COL11A2: variants seen among roughly 807,000 people sequenced by gnomAD.
The protein encoded by COL11A2 is collagen alpha-2(XI) chain.
COL11A2 carries 116 observed loss-of-function variants against 273.4 expected under a neutral mutation model. The ratio of observed to expected loss-of-function variants is 0.42; its 90% CI spans 0.36 to 0.49. The LOEUF is 0.49. Ranked by LOEUF, COL11A2 falls within the 20% of genes least tolerant of loss-of-function variation. The pLI, the probability that COL11A2 is intolerant of heterozygous loss-of-function variation, is 0.00. For missense variants in COL11A2, 1,866 were observed against 2,309.0 expected (o/e 0.81, Z 3.93); for synonymous variants, 782 against 864.2 (o/e 0.90, Z 1.67).
rs760948221 is a variant in COL11A2, at chr6:33,179,219, G to A, written c.1557+12C>T. Reference sequence around the variant, plus strand: ...GAACAGATATGGGGGTGCAGTGGAGGAAAGTGGTCACCTGAGGTCCTAAGT... The same window carrying A: ...GAACAGATATGGGGGTGCAGTGGAGAAAAGTGGTCACCTGAGGTCCTAAGT... On this transcript the variant is annotated intron_variant, in intron 15 of 65. Transcript: ENST00000341947. This position sits in a 1 kb window ranked among gnomAD's most constrained non-coding sequence, Gnocchi z 6.4. 1.9e-6 allele frequency: 3 copies of A among 1,612,032 alleles called. No homozygotes were observed. Among genetic ancestry groups the A allele is most frequent in the African/African-American group, 2.7e-5 (2 of 74,812 alleles).
At chr6:33,184,783 G>A (rs1772157928) in intron 7 of COL11A2, among the ~76,000 whole-genome samples, 1 of 152,216 alleles carries the variant, frequency 6.6e-6, no homozygotes, top group East Asian at 1.9e-4. Context: ...ATGGAAGGAG[G>A]CCTGGATACT....
In COL11A2 at chr6:33,188,351, G is replaced by A. The variant is rs368302768; in HGVS notation, c.606+11C>T. ...CCAGAAGTCAATCCTGCCTCTGATTGCTCTGGTTACCTCAAAGACTTCTTC... is the reference window on the plus strand; with the variant it reads ...CCAGAAGTCAATCCTGCCTCTGATTACTCTGGTTACCTCAAAGACTTCTTC... On this transcript the variant is annotated intron_variant, in intron 4 of 65. Coordinates refer to ENST00000341947, the MANE Select transcript of COL11A2 (RefSeq NM_080680.3). 4.3e-5 allele frequency: 69 copies of A among 1,613,034 alleles called. No homozygotes were observed. The Middle Eastern group carries it at 6.6e-4, about 15-fold the overall frequency.
In COL11A2 at chr6:33,165,621, G is replaced by T; in HGVS notation, c.4678C>A (p.Pro1560Thr). 6.2e-7 allele frequency: 1 copy of T among 1,613,268 alleles called. No homozygotes were observed. The highest frequency in any genetic ancestry group is 8.5e-7 in the Non-Finnish European group (1 of 1,180,006). The change falls in exon 63 of 66, where the codon CCA becomes ACA. Residue 1560 changes from proline (P) to threonine (T), a missense_variant. Coordinates refer to ENST00000341947, the MANE Select transcript of COL11A2 (RefSeq NM_080680.3). This position sits in a 1 kb window ranked among gnomAD's most constrained non-coding sequence, Gnocchi z 7.7. ...LREEIEQMRR[P>T]TGTQDSPART... ...GCAGGGCTGTCCTGGGTCCCTGTTG[G>T]CCGCCTCATCTGCTCGATCTCCTCC...
chr6:33,179,043 A>G lies in COL11A2; in HGVS notation c.1611+30T>C. On this transcript the variant is annotated intron_variant, in intron 16 of 65. Transcript: ENST00000341947. The surrounding 1 kb of genome is among the most constrained non-coding windows in gnomAD (Gnocchi z 6.4). ...CCTACCCTGCAGGCCCTGTCTCCCC[A>G]CAACACCCATCCACCCCTGGGGCAC... is the stretch of plus-strand genomic sequence containing the variant. 1 of 1,613,936 alleles carries G rather than the reference A, an allele frequency of 6.2e-7. No individual in the cohort carries two copies. Among genetic ancestry groups the G allele is most frequent in the Non-Finnish European group, 8.5e-7 (1 of 1,179,924 alleles).
In COL11A2 at chr6:33,171,764, C is replaced by T; in HGVS notation, c.3099G>A (p.Gly1033=). ...CAGGGGGACCCTGCGGGCCTGGGCG[C>T]CCTGGCGGACCAATGGGTCCCCCTG... ...AGSGGPIGPP[G]RPGPQGPPGA... The change falls in exon 42 of 66, where the codon GGG becomes GGA. Residue 1033 remains glycine (G), a synonymous_variant. Coordinates refer to ENST00000341947, the MANE Select transcript of COL11A2 (RefSeq NM_080680.3). 1 of 1,612,906 alleles carries T rather than the reference C, an allele frequency of 6.2e-7. No individual in the cohort carries two copies. The highest frequency in any genetic ancestry group is 8.5e-7 in the Non-Finnish European group (1 of 1,179,966).
chr6:33,173,449 A>T lies in COL11A2; in HGVS notation c.2683-48T>A, dbSNP rs1471699151. 6.2e-7 allele frequency: 1 copy of T among 1,611,684 alleles called. No homozygotes were observed. The highest frequency in any genetic ancestry group is 1.3e-5 in the African/African-American group (1 of 74,790). ...GTGAACTCTCAGCTGGAAAGCAGGT[A>T]GGGAAGAAGGACTCAGAGAAGCGAG... On this transcript the variant is annotated intron_variant, in intron 36 of 65. Coordinates refer to ENST00000341947, the MANE Select transcript of COL11A2 (RefSeq NM_080680.3). The surrounding 1 kb of genome is among the most constrained non-coding windows in gnomAD (Gnocchi z 6.3).
In COL11A2 at chr6:33,185,739, A is replaced by G. The variant is rs1409630026; in HGVS notation, c.838T>C (p.Tyr280His). 1 of 1,360,700 alleles carries G rather than the reference A, an allele frequency of 7.3e-7. No individual in the cohort carries two copies. The highest frequency in any genetic ancestry group is 9.8e-7 in the Non-Finnish European group (1 of 1,018,430). The allele number at this position is 1,360,700 out of a possible 1,614,324, so 84.3% of individuals were successfully genotyped here. The change falls in exon 6 of 66, where the codon TAT becomes CAT. Residue 280 changes from tyrosine (Y) to histidine (H), a missense_variant. By Grantham distance (83) the Tyr-to-His change is moderately conservative. Transcript: ENST00000341947. ...SLYYDYEPPY[Y>H]DVMTTGTTPD... ...GTTGTCCCCGTAGTCATCACATCATAATAGGGGGGCTCGTAGTCATAGTAG... is the reference window on the plus strand; with the variant it reads ...GTTGTCCCCGTAGTCATCACATCATGATAGGGGGGCTCGTAGTCATAGTAG...
Position 33,170,363 on chromosome 6 carries a change from G to T in COL11A2, c.3545C>A (p.Pro1182Gln), listed in dbSNP as rs1411737210. ...DVGPMGPPGPPGPRGPAGPNG... is the reference protein window; with the variant it reads ...DVGPMGPPGPQGPRGPAGPNG... The stretch of plus-strand genomic sequence containing the variant: ...GGGTCCAGCTGGACCTCGAGGTCCT[G>T]GGGGGCCAGGTGGTCCCTGGGGGAA... Residue 1182 changes from proline to glutamine, a missense_variant, in exon 48 of 66, where the codon CCA (proline) becomes CAA (glutamine). By Grantham distance (76) the Pro-to-Gln change is moderately conservative (BLOSUM62 -1). Transcript: ENST00000341947. This position sits in a 1 kb window ranked among gnomAD's most constrained non-coding sequence, Gnocchi z 4.3. 9.9e-6 allele frequency: 16 copies of T among 1,613,672 alleles called. No homozygotes were observed. Among genetic ancestry groups the T allele is most frequent in the African/African-American group, 2.7e-5 (2 of 74,886 alleles).
rs2150576432 is a variant in COL11A2 at position 33,178,444 on chromosome 6, A to G, written c.1764T>C (p.Asp588=). 1.9e-6 allele frequency: 3 copies of G among 1,612,738 alleles called. No homozygotes were observed. The highest frequency in any genetic ancestry group is 1.1e-5 in the South Asian group (1 of 91,064). Reference sequence around the variant, plus strand: ...TTGCCACTACACTTACCCTCTCTCCATCCTCACCAGGGGGACCAGGAAGGC... The same window carrying G: ...TTGCCACTACACTTACCCTCTCTCCGTCCTCACCAGGGGGACCAGGAAGGC... ...AQGLPGPPGE[D]GERGDDGEIG... Residue 588 remains aspartate (D), a synonymous_variant, in exon 19 of 66, where the codon GAT becomes GAC. Coordinates refer to ENST00000341947, the MANE Select transcript of COL11A2 (RefSeq NM_080680.3). This position sits in a 1 kb window ranked among gnomAD's most constrained non-coding sequence, Gnocchi z 4.6.
rs777979891 is a variant in COL11A2, at chr6:33,167,928, G to A, written c.3961-76C>T. On this transcript the variant is annotated intron_variant, in intron 54 of 65. Coordinates refer to ENST00000341947, the MANE Select transcript of COL11A2 (RefSeq NM_080680.3). The surrounding 1 kb of genome is among the most constrained non-coding windows in gnomAD (Gnocchi z 6.1). ...TCAACTCTTCCCCCTTCCTGTCCTAGACACACACATACACATGCACACACA... is the reference window on the plus strand; with the variant it reads ...TCAACTCTTCCCCCTTCCTGTCCTAAACACACACATACACATGCACACACA... 6 of 1,518,320 alleles carry A rather than the reference G, an allele frequency of 4.0e-6. No homozygotes were observed. The highest frequency in any genetic ancestry group is 5.4e-6 in the Non-Finnish European group (6 of 1,101,056). 94.1% of individuals were successfully genotyped at this position (1,518,320 alleles called of 1,614,324 possible).
Position 33,169,503 on chromosome 6 carries a change from C to CG in COL11A2, c.3691-14dup. On this transcript the variant is annotated splice_polypyrimidine_tract_variant and intron_variant, in intron 50 of 65. Coordinates refer to ENST00000341947, the MANE Select transcript of COL11A2 (RefSeq NM_080680.3). The surrounding 1 kb of genome is among the most constrained non-coding windows in gnomAD (Gnocchi z 5.5). ...CCCCGCGTGGACCCTGCAGAACAAG[C>CG]GGAGGACACAGATGGCCCAGGGAAT... 6.2e-7 allele frequency: 1 copy of CG among 1,611,536 alleles called. No individual in the cohort carries two copies. Among genetic ancestry groups the CG allele is most frequent in the Non-Finnish European group, 8.5e-7 (1 of 1,179,052 alleles).
chr6:33,192,093 C>T, intron 1 of COL11A2, 66 bp downstream of exon 1: 1 of 1,454,132 alleles, frequency 6.9e-7, no homozygotes, highest in Non-Finnish European at 9.4e-7. Flanking sequence ...ATCAGCTGGC[C>T]CCTTCCCAGA....
chr6:33,169,077 G>A lies in COL11A2; in HGVS notation c.3799-69C>T, dbSNP rs962827076. 1.2e-5 allele frequency: 17 copies of A among 1,464,456 alleles called. No individual in the cohort carries two copies. Among genetic ancestry groups the A allele is most frequent in the African/African-American group, 4.2e-5 (3 of 70,604 alleles). The allele number at this position is 1,464,456 out of a possible 1,614,324, so 90.7% of individuals were successfully genotyped here. A position where few individuals can be genotyped will look rare whatever the true frequency, so the allele number is the denominator to read the frequency against. ...GCCCACCCAGCACAGACGCCCACAGGCACACGCCACTGCCTCTCTAGAGGC... is the reference window on the plus strand; with the variant it reads ...GCCCACCCAGCACAGACGCCCACAGACACACGCCACTGCCTCTCTAGAGGC... On this transcript the variant is annotated intron_variant, in intron 51 of 65. Transcript: ENST00000341947. This position sits in a 1 kb window ranked among gnomAD's most constrained non-coding sequence, Gnocchi z 5.5.
chr6:33,185,501 G>A (rs1772293778), intron 6 of COL11A2, among the ~76,000 whole-genome samples, 200 bp downstream of exon 6: 1 of 152,052 alleles, frequency 6.6e-6, no homozygotes, highest in African/African-American at 2.4e-5. Flanking sequence ...CCCCCTAGGG[G>A]AAGGGGGAGG....
rs1455937570 is a variant in COL11A2, at chr6:33,189,371, G to T, written c.181C>A (p.Arg61=). Residue 61 remains arginine, a synonymous_variant, in exon 2 of 66, where the codon CGA becomes AGA. Coordinates refer to ENST00000341947, the MANE Select transcript of COL11A2 (RefSeq NM_080680.3). The surrounding 1 kb of genome is among the most constrained non-coding windows in gnomAD (Gnocchi z 5.6). The part of the protein sequence containing the change: ...KGICPADVAY[R]VARPAQLSAP... Reference sequence around the variant, plus strand: ...CTGAGCTGGGCAGGTCGTGCCACTCGGTAGGCCACATCAGCTGGACAGATG... The same window carrying T: ...CTGAGCTGGGCAGGTCGTGCCACTCTGTAGGCCACATCAGCTGGACAGATG... 5.0e-6 allele frequency: 8 copies of T among 1,613,210 alleles called. No homozygotes were observed. The highest frequency in any genetic ancestry group is 6.8e-6 in the Non-Finnish European group (8 of 1,180,030).
At chr6:33,174,292 G>A (rs1472663909) in intron 31 of COL11A2, 74 bp from the exon 32 acceptor site, 4 of 1,538,812 alleles carry the variant, frequency 2.6e-6, no homozygotes, top group Non-Finnish European at 3.5e-6. Context: ...AAGGGGGTCA[G>A]GAGAGGCCAC....
At position 33,188,542 on chromosome 6, in the gene COL11A2, G is replaced by A. The variant is rs1772703440; in HGVS notation, c.444-18C>T. The A allele has an allele frequency of 6.2e-7, 1 of 1,612,918 alleles. No individual in the cohort carries two copies. Among genetic ancestry groups the A allele is most frequent in the South Asian group, 1.1e-5 (1 of 91,080 alleles). On this transcript the variant is annotated intron_variant, in intron 3 of 65. Coordinates refer to ENST00000341947, the MANE Select transcript of COL11A2 (RefSeq NM_080680.3). ...GGTGCCACCTGGAAATGGTGGAAGAGGTTCAAGTGAACTCTTGGCTGACTG... is the reference window on the plus strand; with the variant it reads ...GGTGCCACCTGGAAATGGTGGAAGAAGTTCAAGTGAACTCTTGGCTGACTG...
In COL11A2 at chr6:33,166,462, G is replaced by A. The variant is rs757859242; in HGVS notation, c.4392+51C>T. 5.8e-5 allele frequency: 92 copies of A among 1,585,098 alleles called. No individual in the cohort carries two copies. Among genetic ancestry groups the A allele is most frequent in the Non-Finnish European group, 7.8e-5 (91 of 1,159,754 alleles). On this transcript the variant is annotated intron_variant, in intron 60 of 65. Transcript: ENST00000341947. The surrounding 1 kb of genome is among the most constrained non-coding windows in gnomAD (Gnocchi z 4.8). ...GGAAGTCGTTGGGAGGCTGTGGGTG[G>A]GCAGCAGAGGGGTTTAGGGGATTTT...
rs1174234478 is a variant in COL11A2 at position 33,188,991 on chromosome 6, G to C, written c.430C>G (p.Leu144Val). 1.2e-6 allele frequency: 2 copies of C among 1,614,064 alleles called. No homozygotes were observed. The highest frequency in any genetic ancestry group is 2.7e-5 in the African/African-American group (2 of 74,914). Residue 144 changes from leucine (L) to valine (V), a missense_variant, in exon 3 of 66, where the codon CTA becomes GTA. Coordinates refer to ENST00000341947, the MANE Select transcript of COL11A2 (RefSeq NM_080680.3). ...PSQPVFRGLS[L>V]ADGKWHRVAV... ...AAACAAACTTACTTGCCATCTGCTA[G>C]GCTGAGGCCTCGGAAGACTGGCTGA...
Sources: allele counts gnomAD v4.1 joint callset (sites outside exome capture counted in the v4.1 genomes callset), GRCh38; gene constraint gnomAD v4.1.1; non-coding constraint Gnocchi (gnomAD v3.1); transcripts MANE v1.5; gene names NCBI Gene and HGNC (gene_info 2026-07-23, HGNC 2026-07-21).